The following PKHD1L1 variants were observed in gnomAD, a reference collection of about 807,000 sequenced individuals.
PKHD1L1 encodes PKHD1 like 1.
A neutral mutation model predicts 462.9 loss-of-function variants in PKHD1L1; 434 were observed. The observed-to-expected ratio is 0.94, with a 90% CI of 0.87 to 1.02. PKHD1L1 has a LOEUF of 1.02. Among genes scored for constraint, PKHD1L1 ranks in the 50% least tolerant of loss-of-function variants. PKHD1L1 has a pLI of 0.00. For missense variants in PKHD1L1, 5,202 were observed against 5,096.1 expected (o/e 1.02, Z -0.63); for synonymous variants, 1,781 against 1,750.0 (o/e 1.02, Z -0.44).
chr8:109,479,799 G>C (rs1205538768), intron 54 of PKHD1L1, among the ~76,000 whole-genome samples, 160 bp downstream of exon 54: 1 of 152,078 alleles, frequency 6.6e-6, no homozygotes, highest in Non-Finnish European at 1.5e-5. Flanking sequence ...TAGCCTTCTG[G>C]GGTTTCTGTG....
chr8:109,436,571 G>C (rs932612968), intron 30 of PKHD1L1, 112 bp downstream of exon 30: 1 of 1,481,582 alleles, frequency 6.7e-7, no homozygotes, highest in Non-Finnish European at 8.9e-7. Flanking sequence ...CTTAGGAACT[G>C]CAGGGTTTCT....
chr8:109,420,740 A>T (rs780459604), intron 23 of PKHD1L1, 50 bp downstream of exon 23: 1 of 1,342,344 alleles, frequency 7.4e-7, no homozygotes, highest in Non-Finnish European at 1.0e-6. Flanking sequence ...TTTATTTTTA[A>T]TTTTTTTAAA....
intron 23 of PKHD1L1, among the ~76,000 whole-genome samples, chr8:109,424,683 C>T (rs1349054683): frequency 1.3e-5 from 2 of 152,120 alleles, no homozygotes; most frequent in Non-Finnish European, 2.9e-5. Context: ...TTTCAAGACT[C>T]CATGTACTAT....
rs1056575741 is a variant in PKHD1L1 at position 109,436,282 on chromosome 8, C to A, written c.3506-56C>A. ...TTCTCAAAAAATGTTACTAACATTT[C>A]TTTTTGTTATAGTTGAACTGTTTTG... On this transcript the variant is annotated intron_variant, in intron 29 of 77. Coordinates refer to ENST00000378402, the MANE Select transcript of PKHD1L1 (RefSeq NM_177531.6). 3.9e-6 allele frequency: 6 copies of A among 1,537,388 alleles called. No individual in the cohort carries two copies. In the African/African-American group the frequency reaches 8.4e-5, roughly 21 times the overall value.
At position 109,483,086 on chromosome 8, in the gene PKHD1L1, T is replaced by C. The variant is rs903653792; in HGVS notation, c.9557T>C (p.Met3186Thr). ...AFAGSKVLSLMDAVDWQEGEE... is the reference protein window; with the variant it reads ...AFAGSKVLSLTDAVDWQEGEE... ...GCAGGTTCCAAAGTCCTGTCTCTGA[T>C]GGATGCTGTGGATTGGCAGGTAGAC... The change falls in exon 57 of 78, where the codon ATG becomes ACG. Residue 3186 changes from methionine to threonine, a missense_variant. Coordinates refer to ENST00000378402, the MANE Select transcript of PKHD1L1 (RefSeq NM_177531.6). 1 of 1,586,310 alleles carries C rather than the reference T, an allele frequency of 6.3e-7. No homozygotes were observed. Among genetic ancestry groups the C allele is most frequent in the Non-Finnish European group, 8.6e-7 (1 of 1,166,316 alleles).
At chr8:109,442,388 G>A (rs1815845487) in intron 35 of PKHD1L1, among the ~76,000 whole-genome samples, 193 bp downstream of exon 35, 1 of 152,118 alleles carries the variant, frequency 6.6e-6, no homozygotes, top group African/African-American at 2.4e-5. Context: ...ATATTCAAGT[G>A]TGTTCTGATA....
chr8:109,371,532 G>A (rs1479930132), intron 2 of PKHD1L1, among the ~76,000 whole-genome samples: 2 of 149,396 alleles, frequency 1.3e-5, no homozygotes, highest in Admixed American at 6.7e-5. Context: ...GTCAATTTTG[G>A]CTTTTGTTGC....
In PKHD1L1 at chr8:109,497,344, A is replaced by G. The variant is rs79722179; in HGVS notation, c.10599+72A>G. 6.6e-6 allele frequency: 10 copies of G among 1,506,778 alleles called. No individual in the cohort carries two copies. In the African/African-American group the frequency reaches 1.4e-4, roughly 21 times the overall value. The allele number at this position is 1,506,778 out of a possible 1,614,324, so 93.3% of individuals were successfully genotyped here. ...GAAGGGTGGAATTTCTGAAGGACTA[A>G]TAAGAATAATCTCCTTAACTTCTAT... is the stretch of plus-strand genomic sequence containing the variant. On this transcript the variant is annotated intron_variant, in intron 65 of 77. Coordinates refer to ENST00000378402, the MANE Select transcript of PKHD1L1 (RefSeq NM_177531.6).
chr8:109,494,750 A>C (rs1819005796), intron 63 of PKHD1L1, among the ~76,000 whole-genome samples: 1 of 152,018 alleles, frequency 6.6e-6, no homozygotes, highest in South Asian at 2.1e-4. Flanking sequence ...AAAATCATAG[A>C]AAGTAATTGG....
At chr8:109,448,689 T>C (rs1816311387) in intron 39 of PKHD1L1, among the ~76,000 whole-genome samples, 2 of 151,502 alleles carry the variant, frequency 1.3e-5, no homozygotes, top group African/African-American at 4.8e-5. Context: ...TTTTTTTTTG[T>C]ATTTTTAGTA....
At chr8:109,495,288 C>A (rs1459358260) in intron 63 of PKHD1L1, among the ~76,000 whole-genome samples, 1 of 152,100 alleles carries the variant, frequency 6.6e-6, no homozygotes, top group Non-Finnish European at 1.5e-5. Flanking sequence ...TATGTAATTT[C>A]TTTACAACTT....
chr8:109,491,518 A>G (rs1304126365), intron 61 of PKHD1L1, among the ~76,000 whole-genome samples: 7 of 151,984 alleles, frequency 4.6e-5, no homozygotes, highest in Admixed American at 1.3e-4. Context: ...AATAAAGGTT[A>G]TATACAACTT....
intron 16 of PKHD1L1, among the ~76,000 whole-genome samples, chr8:109,405,427 A>T (rs1813484270): frequency 6.6e-6 from 1 of 152,168 alleles, no homozygotes; most frequent in Non-Finnish European, 1.5e-5. Context: ...GAAAATAGGA[A>T]TTGTGAATAG....
intron 67 of PKHD1L1, among the ~76,000 whole-genome samples, chr8:109,502,410 T>A (rs927048497): frequency 1.3e-5 from 2 of 152,230 alleles, no homozygotes; most frequent in African/African-American, 4.8e-5. Context: ...AGGAAGTTAC[T>A]TTCTAATAAG....
rs201810418 is a variant in PKHD1L1 at position 109,443,755 on chromosome 8, C to A, written c.4644C>A (p.Thr1548=). The A allele has an allele frequency of 6.2e-7, 1 of 1,613,786 alleles. No individual in the cohort carries two copies. The highest frequency in any genetic ancestry group is 8.5e-7 in the Non-Finnish European group (1 of 1,179,772). Residue 1548 remains threonine (T), a synonymous_variant, in exon 37 of 78, where the codon ACC becomes ACA. Coordinates refer to ENST00000378402, the MANE Select transcript of PKHD1L1 (RefSeq NM_177531.6). ...AACCCCTGTGCAGCCTGAACAATAC[C>A]AGGGTTAAAAATTCAAAAAGATTGC... ...ATEPLCSLNN[T]RVKNSKRLLF...
chr8:109,399,584 C>A (rs1024153109), intron 12 of PKHD1L1, among the ~76,000 whole-genome samples: 2 of 151,882 alleles, frequency 1.3e-5, no homozygotes, highest in Non-Finnish European at 2.9e-5. Context: ...AAAAGTAAAA[C>A]AAACATTGAG....
chr8:109,376,186 A>C (rs1033900115), intron 2 of PKHD1L1, among the ~76,000 whole-genome samples: 6 of 152,212 alleles, frequency 3.9e-5, no homozygotes, highest in Non-Finnish European at 8.8e-5. Flanking sequence ...TTACCTAAGC[A>C]AGCTTGGGCA....
At chr8:109,419,299 T>C (rs201450799) in intron 22 of PKHD1L1, 39 bp downstream of exon 22, 16 of 1,462,054 alleles carry the variant, frequency 1.1e-5, no homozygotes, top group Middle Eastern at 1.9e-4. Flanking sequence ...AATCTAAATA[T>C]AGTAAAATCT....
chr8:109,383,157 T>A lies in PKHD1L1; in HGVS notation c.417+586T>A, dbSNP rs543631643. Among the ~76,000 whole-genome samples, 644 of 100,916 alleles carry A rather than the reference T, an allele frequency of 6.4e-3. 3 individuals carry two copies. Among genetic ancestry groups the A allele is most frequent in the Middle Eastern group, 0.021 (4 of 194 alleles). 66.2% of individuals were successfully genotyped at this position (100,916 alleles called of 152,430 possible). ...ATATTATTGTATATATTATATATAT[T>A]TATATATAATATATACAATAATATA... On this transcript the variant is annotated intron_variant, in intron 4 of 77. Transcript: ENST00000378402.
Sources: allele counts gnomAD v4.1 joint callset (sites outside exome capture counted in the v4.1 genomes callset), GRCh38; gene constraint gnomAD v4.1.1; transcripts MANE v1.5; gene names NCBI Gene and HGNC (gene_info 2026-07-23, HGNC 2026-07-21).